AGMO: variants seen among roughly 807,000 people sequenced by gnomAD.
The protein encoded by AGMO is glyceryl-ether monooxygenase.
A neutral mutation model predicts 60.2 loss-of-function variants in AGMO; 75 were observed. The ratio of observed to expected loss-of-function variants is 1.25; its 90% confidence interval spans 1.03 to 1.51. The LOEUF (loss-of-function observed/expected upper bound fraction) is 1.51. Ranked by LOEUF, AGMO falls within the 40% of genes most tolerant of loss-of-function variation. The probability of loss-of-function intolerance (pLI) is 0.00; values close to 1 mark genes in which losing one functional copy is unlikely to be tolerated. For missense variants in AGMO, 763 were observed against 525.5 expected, an observed-to-expected ratio of 1.45 and a Z score of -4.42; for synonymous variants, 261 against 177.1, an observed-to-expected ratio of 1.47 and a Z score of -3.76.
At position 15,385,504 on chromosome 7, in the gene AGMO, G is replaced by C; in HGVS notation, c.1016C>G (p.Thr339Arg). 6.2e-7 allele frequency: 1 copy of C among 1,613,212 alleles called. No homozygotes were observed. The change falls in exon 10 of 13, where the codon ACA (threonine) becomes AGA (arginine). Residue 339 changes from threonine (T) to arginine (R), a missense_variant. By Grantham distance (71) the Thr-to-Arg change is moderately conservative (BLOSUM62 -1). Coordinates refer to ENST00000342526, the MANE Select transcript of AGMO (RefSeq NM_001004320.2). ...CAACATCAGAGCAAACTGTACAACT[G>C]TATATATCTTTAATAGCTGAGATGA... ...SSSSQLLKIYTVVQFALMLAF... is the reference protein window; with the variant it reads ...SSSSQLLKIYRVVQFALMLAF...
chr7:15,371,589 G>T (rs996229702), intron 10 of AGMO, among the ~76,000 whole-genome samples: 1 of 152,044 alleles, frequency 6.6e-6, no homozygotes, highest in East Asian at 1.9e-4. Context: ...TAGAGATGGG[G>T]TTTCACCATG....
chr7:15,538,637 A>C (rs1254306840), intron 3 of AGMO, among the ~76,000 whole-genome samples: 1 of 152,208 alleles, frequency 6.6e-6, no homozygotes. Flanking sequence ...ACACAAGTAC[A>C]GAAGAATGTA....
chr7:15,529,738 CTA>C lies in AGMO; in HGVS notation c.409+15032_409+15033del, dbSNP rs1243996397. On this transcript the variant is annotated intron_variant, in intron 3 of 12. Coordinates refer to ENST00000342526, the MANE Select transcript of AGMO (RefSeq NM_001004320.2). ...ATATACTATATACTCTATATATATTCTATATATATATTTCTATATATATATTT... is the reference window on the plus strand; with the variant it reads ...ATATACTATATACTCTATATATATTCTATATATATTTCTATATATATATTT... Among the ~76,000 whole-genome samples, 4 of 100,724 alleles carry C rather than the reference CTA, an allele frequency of 4.0e-5. 1 individual carries two copies. Among genetic ancestry groups the C allele is most frequent in the Non-Finnish European group, 1.9e-5 (1 of 52,452 alleles). 66.1% of individuals were successfully genotyped at this position (100,724 alleles called of 152,430 possible).
chr7:15,306,439 G>A, intron 12 of AGMO: 1 of 452,782 alleles, frequency 2.2e-6, no homozygotes. Context: ...TGGATAATAG[G>A]AAACATATTC....
intron 12 of AGMO, among the ~76,000 whole-genome samples, chr7:15,301,407 C>T (rs934725697): frequency 6.6e-6 from 1 of 151,930 alleles, no homozygotes; most frequent in Non-Finnish European, 1.5e-5. Flanking sequence ...CCACTGCACT[C>T]CAGCCTGGGA....
chr7:15,493,414 C>T (rs1308980393), intron 3 of AGMO, among the ~76,000 whole-genome samples: 6 of 142,136 alleles, frequency 4.2e-5, no homozygotes, highest in Non-Finnish European at 7.6e-5. Context: ...CGCTCTGTCG[C>T]CCAGGCTGGA....
chr7:15,533,818 A>T (rs182393570), intron 3 of AGMO, among the ~76,000 whole-genome samples: 1 of 152,120 alleles, frequency 6.6e-6, no homozygotes, highest in Admixed American at 6.6e-5. Context: ...TTTAACTCAC[A>T]GTATAAGCAC....
At chr7:15,217,371 G>C (rs910523320) in intron 12 of AGMO, among the ~76,000 whole-genome samples, 5 of 148,584 alleles carry the variant, frequency 3.4e-5, no homozygotes, top group South Asian at 2.2e-4. Context: ...CTCTGTGTGT[G>C]TCTCTCTCTC....
Position 15,418,587 on chromosome 7 carries a change from G to A in AGMO, c.580C>T (p.Leu194Phe). The A allele has an allele frequency of 6.3e-7, 1 of 1,589,628 alleles. No individual in the cohort carries two copies. The highest frequency in any genetic ancestry group is 8.5e-7 in the Non-Finnish European group (1 of 1,170,732). ...GTATGGATCCAAAATTGGTAAAGAA[G>A]ATTGAATTGAAGATGAACAGCATAT... is the stretch of plus-strand genomic sequence containing the variant. Reference protein sequence around the residue: ...SVYAVHLQFNLLYQFWIHTEV... With the variant: ...SVYAVHLQFNFLYQFWIHTEV... The change falls in exon 5 of 13, where the codon CTT becomes TTT. Residue 194 changes from leucine (L) to phenylalanine (F), a missense_variant. By Grantham distance (22) the Leu-to-Phe change is conservative. Coordinates refer to ENST00000342526, the MANE Select transcript of AGMO (RefSeq NM_001004320.2).
At chr7:15,539,594 T>C (rs1468317727) in intron 3 of AGMO, among the ~76,000 whole-genome samples, 3 of 152,224 alleles carry the variant, frequency 2.0e-5, no homozygotes, top group South Asian at 2.1e-4. Flanking sequence ...TAGTGCTGCA[T>C]TGAACATACA....
intron 12 of AGMO, among the ~76,000 whole-genome samples, chr7:15,208,828 A>G (rs1010415363): frequency 3.3e-5 from 5 of 152,234 alleles, no homozygotes; most frequent in Admixed American, 2.6e-4. Flanking sequence ...CATATCCAGC[A>G]TGTTTTGAAA....
chr7:15,477,279 T>G (rs1353288296), intron 3 of AGMO, among the ~76,000 whole-genome samples: 2 of 152,070 alleles, frequency 1.3e-5, no homozygotes, highest in African/African-American at 4.8e-5. Context: ...AAGGGTCTTT[T>G]GGGTGAGTGG....
chr7:15,179,392 T>C, the AGMO span, among the ~76,000 whole-genome samples: 33,426 of 152,048 alleles, frequency 0.22, 4,202 homozygotes, highest in East Asian at 0.48. Context: ...GGGACAGTCA[T>C]AGAATAGACA....
chr7:15,522,238 T>C (rs1784015635), intron 3 of AGMO, among the ~76,000 whole-genome samples: 1 of 152,130 alleles, frequency 6.6e-6, no homozygotes, highest in African/African-American at 2.4e-5. Flanking sequence ...TGCTCATGGA[T>C]AGGACGAATC....
At chr7:15,421,988 G>A (rs1474132921) in intron 4 of AGMO, among the ~76,000 whole-genome samples, 1 of 152,016 alleles carries the variant, frequency 6.6e-6, no homozygotes, top group Non-Finnish European at 1.5e-5. Flanking sequence ...CAGAGATGAT[G>A]AGAAATTTTT....
chr7:15,336,553 G>T (rs562384676), intron 12 of AGMO, among the ~76,000 whole-genome samples: 2 of 152,060 alleles, frequency 1.3e-5, no homozygotes, highest in East Asian at 1.9e-4. Context: ...ACACAATTGC[G>T]TGTTCCTAGC....
Position 15,279,055 on chromosome 7 carries a change from T to TG in AGMO, c.1264-77697dup, listed in dbSNP as rs1161858450. On this transcript the variant is annotated intron_variant, in intron 12 of 12. Coordinates refer to ENST00000342526, the MANE Select transcript of AGMO (RefSeq NM_001004320.2). Reference sequence around the variant, plus strand: ...AAGTGGCAGCTGGTGCTAGGTTGCTTGGGGAACAAAAACCTGTGAGATGCC... The same window carrying TG: ...AAGTGGCAGCTGGTGCTAGGTTGCTTGGGGGAACAAAAACCTGTGAGATGCC... Among the ~76,000 whole-genome samples the TG allele has an allele frequency of 5.9e-5, 9 of 152,238 alleles. No homozygotes were observed. In the East Asian group the frequency reaches 1.6e-3, roughly 26 times the overall value.
At chr7:15,324,183 T>G (rs1008426121) in intron 12 of AGMO, among the ~76,000 whole-genome samples, 4 of 152,294 alleles carry the variant, frequency 2.6e-5, no homozygotes, top group South Asian at 2.1e-4. Flanking sequence ...CAAACTGGCC[T>G]TCAGACCAGG....
intron 3 of AGMO, among the ~76,000 whole-genome samples, chr7:15,542,604 T>C (rs1215137661): frequency 6.6e-6 from 1 of 152,206 alleles, no homozygotes; most frequent in Non-Finnish European, 1.5e-5. Flanking sequence ...GTATGTAATA[T>C]AGTACAATAT....
Sources: allele counts gnomAD v4.1 joint callset (sites outside exome capture counted in the v4.1 genomes callset), GRCh38; gene constraint gnomAD v4.1.1; transcripts MANE v1.5; gene names NCBI Gene and HGNC (gene_info 2026-07-23, HGNC 2026-07-21).